BCHE: variants seen among roughly 807,000 people sequenced by gnomAD.
The protein encoded by BCHE is cholinesterase.
Under a neutral mutation model 51.3 loss-of-function variants are expected in BCHE, and 48 were observed. The observed-to-expected ratio is 0.94, with a 90% CI of 0.74 to 1.19. BCHE has a LOEUF of 1.19. Ranked by LOEUF, BCHE falls within the 50% of genes most tolerant of loss-of-function variation. The pLI, the probability that BCHE is intolerant of heterozygous loss-of-function variation, is 0.00. For missense variants in BCHE, 847 were observed against 708.2 expected (o/e 1.20, Z -2.23); for synonymous variants, 251 against 238.0 (o/e 1.05, Z -0.50).
chr3:165,797,234 T>TCCTCCCTCCCTCCC (rs1713431586), intron 2 of BCHE, among the ~76,000 whole-genome samples: 1 of 2,940 alleles, frequency 3.4e-4, no homozygotes, highest in Non-Finnish European at 6.1e-4. Flanking sequence ...CCTTCTTTCT[T>TCCTCCCTCCCTCCC]CCCTCCCTTC....
chr3:165,790,635 C>T lies in BCHE; in HGVS notation c.1518-4324G>A, dbSNP rs1165848640. 2.6e-5 allele frequency among the ~76,000 whole-genome samples: 4 copies of T among 152,100 alleles called. No individual in the cohort carries two copies. The East Asian group carries it at 7.7e-4, about 29-fold the overall frequency. ...ACGACTGGTGTGAGAAATCTTGGAC[C>T]AATTTCGAAGACTGGAAGATTAAAC... On this transcript the variant is annotated intron_variant, in intron 2 of 3. Coordinates refer to ENST00000264381, the MANE Select transcript of BCHE (RefSeq NM_000055.4).
At chr3:165,833,087 A>G (rs1715049980) in intron 1 of BCHE, among the ~76,000 whole-genome samples, 1 of 152,084 alleles carries the variant, frequency 6.6e-6, no homozygotes, top group East Asian at 1.9e-4. Flanking sequence ...CTGCTATAAT[A>G]ATAAGGTTTT....
rs1455218172 is a variant in BCHE, at chr3:165,830,318, G to C, written c.716C>G (p.Pro239Arg). 8 of 1,613,980 alleles carry C rather than the reference G, an allele frequency of 5.0e-6. No homozygotes were observed. In the South Asian group the frequency reaches 7.7e-5, roughly 16 times the overall value. Residue 239 changes from proline to arginine, a missense_variant, in exon 2 of 4, where the codon CCT (proline) becomes CGT (arginine). By Grantham distance (103) the Pro-to-Arg change is moderately radical (BLOSUM62 -2). Coordinates refer to ENST00000264381, the MANE Select transcript of BCHE (RefSeq NM_000055.4). ...AASVSLHLLSPGSHSLFTRAI... is the reference protein window; with the variant it reads ...AASVSLHLLSRGSHSLFTRAI... ...TCTGGTGAACAATGAATGGCTTCCA[G>C]GAGAAAGCAAATGCAGGCTAACTGA...
intron 2 of BCHE, among the ~76,000 whole-genome samples, chr3:165,810,009 G>C (rs1357541574): frequency 6.6e-6 from 1 of 151,972 alleles, no homozygotes. Flanking sequence ...ACTTTTATAT[G>C]TTTATTATTA....
chr3:165,831,180 C>G lies in BCHE; in HGVS notation c.-8-139G>C, dbSNP rs143080124. ...CAAATAAACCTGCTTCTGTAAAGGC[C>G]TACATAGGAAAAAATAGAAAACAGA... is the stretch of plus-strand genomic sequence containing the variant. On this transcript the variant is annotated intron_variant, in intron 1 of 3. Transcript: ENST00000264381. 5.7e-6 allele frequency: 4 copies of G among 697,428 alleles called. No individual in the cohort carries two copies. The African/African-American group carries it at 7.3e-5, about 13-fold the overall frequency. 43.2% of individuals were successfully genotyped at this position (697,428 alleles called of 1,614,324 possible). A position where few individuals can be genotyped will look rare whatever the true frequency, so the allele number is the denominator to read the frequency against.
At position 165,804,767 on chromosome 3, in the gene BCHE, C is replaced by T. The variant is rs1713810750; in HGVS notation, c.1518-18456G>A. ...AATAAATTGGCTAGAGACATTAATG[C>T]CAGGCAACATTAAAGAATCTCTTGA... On this transcript the variant is annotated intron_variant, in intron 2 of 3. Coordinates refer to ENST00000264381, the MANE Select transcript of BCHE (RefSeq NM_000055.4). 6.6e-5 allele frequency among the ~76,000 whole-genome samples: 10 copies of T among 152,184 alleles called. No homozygotes were observed. In the South Asian group the frequency reaches 2.1e-3, roughly 32 times the overall value.
chr3:165,828,641 T>A (rs752922875), intron 2 of BCHE, among the ~76,000 whole-genome samples: 1 of 152,098 alleles, frequency 6.6e-6, no homozygotes, highest in Non-Finnish European at 1.5e-5. Context: ...TATAAGTAAA[T>A]TTCTAAATTT....
intron 2 of BCHE, among the ~76,000 whole-genome samples, chr3:165,812,871 G>A (rs1714154334): frequency 6.6e-6 from 1 of 151,796 alleles, no homozygotes; most frequent in Admixed American, 6.6e-5. Context: ...TAAAGGACTG[G>A]GGTCCATAGC....
intron 2 of BCHE, among the ~76,000 whole-genome samples, chr3:165,816,252 T>C (rs1233435876): frequency 1.3e-5 from 2 of 151,934 alleles, no homozygotes; most frequent in African/African-American, 2.4e-5. Flanking sequence ...AACCAAGTGG[T>C]TTGCATTGTA....
intron 2 of BCHE, among the ~76,000 whole-genome samples, chr3:165,820,650 C>T (rs1211483480): frequency 6.6e-6 from 1 of 151,920 alleles, no homozygotes; most frequent in Admixed American, 6.6e-5. Flanking sequence ...TTTCTCTTCA[C>T]TCTGGAAGCC....
chr3:165,807,201 C>T (rs536590847), intron 2 of BCHE, among the ~76,000 whole-genome samples: 3 of 151,950 alleles, frequency 2.0e-5, no homozygotes, highest in African/African-American at 7.2e-5. Context: ...AAGTTCATTG[C>T]AAAAACCTTG....
Position 165,830,678 on chromosome 3 carries a change from T to C in BCHE, c.356A>G (p.Asp119Gly), listed in dbSNP as rs1365657717. The stretch of plus-strand genomic sequence containing the variant: ...AATCCATACATTTAGATATAAACAG[T>C]CTTCACTGAGGTCAGTGTTTGGGTT... ...MWNPNTDLSE[D>G]CLYLNVWIPA... Residue 119 changes from aspartate (D) to glycine (G), a missense_variant, in exon 2 of 4, where the codon GAC (aspartate) becomes GGC (glycine). Physicochemically the swap from Asp to Gly is moderately conservative, Grantham distance 94. Coordinates refer to ENST00000264381, the MANE Select transcript of BCHE (RefSeq NM_000055.4). The C allele has an allele frequency of 2.5e-5, 40 of 1,613,912 alleles. No homozygotes were observed. The highest frequency in any genetic ancestry group is 3.4e-5 in the Non-Finnish European group (40 of 1,179,968).
intron 2 of BCHE, among the ~76,000 whole-genome samples, chr3:165,808,686 C>T (rs1713965852): frequency 6.6e-6 from 1 of 151,900 alleles, no homozygotes; most frequent in African/African-American, 2.4e-5. Flanking sequence ...ATTGTTTGAG[C>T]TCTGGGTGGT....
At chr3:165,783,874 G>T (rs1329553400) in intron 3 of BCHE, among the ~76,000 whole-genome samples, 1 of 151,888 alleles carries the variant, frequency 6.6e-6, no homozygotes, top group Non-Finnish European at 1.5e-5. Context: ...TTTATTTCTT[G>T]CAGGTGCATG....
chr3:165,823,667 G>C (rs982704362), intron 2 of BCHE, among the ~76,000 whole-genome samples: 2 of 151,996 alleles, frequency 1.3e-5, no homozygotes, highest in African/African-American at 4.8e-5. Flanking sequence ...AGATCTAAGT[G>C]GTTTCATTGA....
chr3:165,817,878 T>C (rs1351939766), intron 2 of BCHE, among the ~76,000 whole-genome samples: 2 of 152,034 alleles, frequency 1.3e-5, no homozygotes, highest in African/African-American at 2.4e-5. Flanking sequence ...CAGTGAGGCA[T>C]GGAGAACAGA....
At chr3:165,790,019 G>A (rs185085739) in intron 2 of BCHE, among the ~76,000 whole-genome samples, 30 of 152,268 alleles carry the variant, frequency 2.0e-4, no homozygotes, top group African/African-American at 6.7e-4. Flanking sequence ...AATAAAATGA[G>A]GACTGGGGAT....
chr3:165,804,476 C>T (rs1436182830), intron 2 of BCHE, among the ~76,000 whole-genome samples: 1 of 151,880 alleles, frequency 6.6e-6, no homozygotes, highest in African/African-American at 2.4e-5. Flanking sequence ...CTTGCATAGT[C>T]ATATGTGGAT....
At chr3:165,817,150 A>G (rs1451169585) in intron 2 of BCHE, among the ~76,000 whole-genome samples, 1 of 151,948 alleles carries the variant, frequency 6.6e-6, no homozygotes, top group Non-Finnish European at 1.5e-5. Context: ...GCAGTGTAGT[A>G]TCCTTGTCCC....
Sources: gnomAD v4.1 joint callset for allele counts (sites outside exome capture counted in the v4.1 genomes callset) on GRCh38, gnomAD v4.1.1 for gene constraint, MANE v1.5 for transcripts, NCBI Gene and HGNC (gene_info 2026-07-23, HGNC 2026-07-21) for gene names.